RFTN1: variants seen among roughly 807,000 people sequenced by gnomAD.
The protein encoded by RFTN1 is raftlin, lipid raft linker 1, also known as raftlin.
RFTN1 carries 26 observed loss-of-function variants against 46.5 expected under a neutral mutation model. That is an observed-to-expected ratio of 0.56 (90% CI 0.41 to 0.78). The LOEUF (loss-of-function observed/expected upper bound fraction) is 0.78, where lower values mean the gene tolerates loss of function less well. Among genes scored for constraint, RFTN1 ranks in the 30% least tolerant of loss-of-function variants. RFTN1 has a pLI of 0.00. For synonymous variants in RFTN1, 261 were observed against 284.2 expected (o/e 0.92, Z 0.82); for missense variants, 693 against 718.7 (o/e 0.96, Z 0.41).
chr3:16,415,821 T>A (rs1390269358), intron 3 of RFTN1, among the ~76,000 whole-genome samples: 1 of 152,158 alleles, frequency 6.6e-6, no homozygotes, highest in Non-Finnish European at 1.5e-5. Context: ...TCTCTCCAAG[T>A]TACTTATCCT....
chr3:16,477,355 T>C (rs1229676311), intron 2 of RFTN1, among the ~76,000 whole-genome samples: 3 of 152,200 alleles, frequency 2.0e-5, no homozygotes, highest in African/African-American at 7.2e-5. Flanking sequence ...ATTTTATTTT[T>C]CTGCTAGAGA....
At position 16,413,762 on chromosome 3, in the gene RFTN1, T is replaced by C. The variant is rs774748991; in HGVS notation, c.333-4279A>G. ...AGCATGACTAATAATAAAATATGCT[T>C]CCCCATCACTCGCCATCCCCAACTT... On this transcript the variant is annotated intron_variant, in intron 3 of 9. Transcript: ENST00000334133. The surrounding 1 kb of genome is among the most constrained non-coding windows in gnomAD (Gnocchi z 4.7). Among the ~76,000 whole-genome samples, 9 of 152,270 alleles carry C rather than the reference T, an allele frequency of 5.9e-5. No individual in the cohort carries two copies. In the East Asian group the frequency reaches 9.7e-4, roughly 16 times the overall value.
chr3:16,431,234 CA>C (rs1057303081), intron 3 of RFTN1, among the ~76,000 whole-genome samples: 8 of 152,332 alleles, frequency 5.3e-5, no homozygotes, highest in Admixed American at 3.9e-4. Flanking sequence ...CTGGTGCTTA[CA>C]GCTCTCCTAG....
intron 4 of RFTN1, among the ~76,000 whole-genome samples, chr3:16,405,641 ATCT>A (rs754718296): frequency 2.6e-4 from 39 of 152,318 alleles, no homozygotes; most frequent in Middle Eastern, 3.4e-3. Flanking sequence ...AAATAATGAA[ATCT>A]TCTCTCCCTC....
At chr3:16,403,541 G>GAA (rs2074658006) in intron 4 of RFTN1, among the ~76,000 whole-genome samples, 1 of 58,950 alleles carries the variant, frequency 1.7e-5, no homozygotes, top group African/African-American at 1.0e-4. Flanking sequence ...AGCAGCATAT[G>GAA]AGAGACAGAG....
chr3:16,494,307 A>G (rs1246430441), intron 1 of RFTN1, among the ~76,000 whole-genome samples: 1 of 152,232 alleles, frequency 6.6e-6, no homozygotes, highest in Non-Finnish European at 1.5e-5. Flanking sequence ...TTGCTAACAC[A>G]GAATAAGTCG....
rs563174449 is a variant in RFTN1, at chr3:16,346,469, A to T, written c.1146+11463T>A. On this transcript the variant is annotated intron_variant, in intron 7 of 9. Transcript: ENST00000334133. This position sits in a 1 kb window ranked among gnomAD's most constrained non-coding sequence, Gnocchi z 4.4. ...TTGTCATCTCATTATCCAAACCGTC[A>T]ACAAGTCCAGTCTTCTTGAAAATAC... The T allele has an allele frequency of 6.6e-6, 1 of 152,324 alleles. No homozygotes were observed. Among genetic ancestry groups the T allele is most frequent in the Admixed American group, 6.5e-5 (1 of 15,308 alleles). The allele number at this position is 152,324 out of a possible 1,614,324, so 9.4% of individuals were successfully genotyped here. A position where few individuals can be genotyped will look rare whatever the true frequency, so the allele number is the denominator to read the frequency against.
At chr3:16,333,730 A>G (rs2070558387) in intron 7 of RFTN1, among the ~76,000 whole-genome samples, 1 of 152,230 alleles carries the variant, frequency 6.6e-6, no homozygotes, top group Non-Finnish European at 1.5e-5. Context: ...ATTACAGAAA[A>G]AAAAGGGCTT....
At chr3:16,438,311 A>G (rs1203806130) in intron 2 of RFTN1, among the ~76,000 whole-genome samples, 1 of 152,128 alleles carries the variant, frequency 6.6e-6, no homozygotes, top group Non-Finnish European at 1.5e-5. Flanking sequence ...CTTGCTGGGC[A>G]TGGTGGCTCA....
rs540061464 is a variant in RFTN1 at position 16,418,990 on chromosome 3, C to T, written c.333-9507G>A. ...TCAGGGGAAAATTTAAGGAGCAAGG[C>T]GTGTGTGGGCTGAGTCTTTGAGTCT... On this transcript the variant is annotated intron_variant, in intron 3 of 9. Transcript: ENST00000334133. The surrounding 1 kb of genome is among the most constrained non-coding windows in gnomAD (Gnocchi z 5.0). Among the ~76,000 whole-genome samples the T allele has an allele frequency of 1.3e-5, 2 of 152,148 alleles. No individual in the cohort carries two copies. The highest frequency in any genetic ancestry group is 1.9e-4 in the East Asian group (1 of 5,178).
chr3:16,471,151 G>C (rs1276844976), intron 2 of RFTN1, among the ~76,000 whole-genome samples: 2 of 152,152 alleles, frequency 1.3e-5, no homozygotes, highest in Non-Finnish European at 2.9e-5. Flanking sequence ...CTCAAGGATT[G>C]ATCAAAACCC....
chr3:16,330,212 A>C (rs2070172349), intron 7 of RFTN1, among the ~76,000 whole-genome samples: 1 of 152,238 alleles, frequency 6.6e-6, no homozygotes, highest in Admixed American at 6.5e-5. Flanking sequence ...TGAGTTGACA[A>C]GTAAAATACA....
At chr3:16,367,565 T>C (rs2073265907) in intron 6 of RFTN1, among the ~76,000 whole-genome samples, 1 of 152,192 alleles carries the variant, frequency 6.6e-6, no homozygotes, top group Non-Finnish European at 1.5e-5. Flanking sequence ...GCCTGGGCCC[T>C]GTGGAGGACT....
intron 4 of RFTN1, among the ~76,000 whole-genome samples, chr3:16,393,138 A>G (rs986588525): frequency 5.9e-5 from 9 of 152,228 alleles, no homozygotes; most frequent in Admixed American, 3.3e-4. Context: ...AAGAGGTGGC[A>G]AGAACTTTAG....
chr3:16,394,777 G>A (rs2074430708), intron 4 of RFTN1, among the ~76,000 whole-genome samples: 1 of 152,088 alleles, frequency 6.6e-6, no homozygotes. Flanking sequence ...CCATTATGGA[G>A]ATTTCTTATT....
In RFTN1 at chr3:16,321,202, C is replaced by T. The variant is rs2069015328; in HGVS notation, c.1332+2174G>A. 6.6e-6 allele frequency among the ~76,000 whole-genome samples: 1 copy of T among 152,010 alleles called. No homozygotes were observed. Among genetic ancestry groups the T allele is most frequent in the African/African-American group, 2.4e-5 (1 of 41,360 alleles). On this transcript the variant is annotated intron_variant, in intron 9 of 9. Coordinates refer to ENST00000334133, the MANE Select transcript of RFTN1 (RefSeq NM_015150.2). The surrounding 1 kb of genome is among the most constrained non-coding windows in gnomAD (Gnocchi z 4.8). ...GACAGTCATAGGTTTCCTCGAGCCA[C>T]AGGATGGATGGAGCTGGAGTCTTGG...
intron 4 of RFTN1, among the ~76,000 whole-genome samples, chr3:16,403,389 C>T (rs2074654500): frequency 1.3e-5 from 2 of 150,920 alleles, no homozygotes; most frequent in South Asian, 4.2e-4. Flanking sequence ...GATAAGTCTT[C>T]ACAGGCATGA....
At position 16,374,208 on chromosome 3, in the gene RFTN1, A is replaced by G. The variant is rs988851829; in HGVS notation, c.826+3510T>C. On this transcript the variant is annotated intron_variant, in intron 5 of 9. Coordinates refer to ENST00000334133, the MANE Select transcript of RFTN1 (RefSeq NM_015150.2). The surrounding 1 kb of genome is among the most constrained non-coding windows in gnomAD (Gnocchi z 5.4). The stretch of plus-strand genomic sequence containing the variant: ...GAAGTGCTAAGTGGATCCCCCAGAA[A>G]TCACAAGCCAGTAAGTGGCACAGCC... Among the ~76,000 whole-genome samples the G allele has an allele frequency of 6.6e-6, 1 of 152,174 alleles. No homozygotes were observed. The highest frequency in any genetic ancestry group is 1.5e-5 in the Non-Finnish European group (1 of 68,020).
chr3:16,322,535 G>T lies in RFTN1; in HGVS notation c.1332+841C>A, dbSNP rs1217971162. The stretch of plus-strand genomic sequence containing the variant: ...CAAAGGTGCAGTGAGCTGAATCCAG[G>T]TGATGCCTGACTCAGGCTTTGGTGT... On this transcript the variant is annotated intron_variant, in intron 9 of 9. Coordinates refer to ENST00000334133, the MANE Select transcript of RFTN1 (RefSeq NM_015150.2). The surrounding 1 kb of genome is among the most constrained non-coding windows in gnomAD (Gnocchi z 6.2). 6.6e-6 allele frequency among the ~76,000 whole-genome samples: 1 copy of T among 152,220 alleles called. No individual in the cohort carries two copies. The highest frequency in any genetic ancestry group is 1.5e-5 in the Non-Finnish European group (1 of 68,046).
Sources: gnomAD v4.1 joint callset for allele counts (sites outside exome capture counted in the v4.1 genomes callset) on GRCh38, gnomAD v4.1.1 for gene constraint, Gnocchi (gnomAD v3.1) non-coding constraint, MANE v1.5 for transcripts, NCBI Gene and HGNC (gene_info 2026-07-23, HGNC 2026-07-21) for gene names.